LDB2: variants seen among roughly 807,000 people sequenced by gnomAD.
LDB2 encodes the protein LIM domain binding 2.
Under a neutral mutation model 44.3 loss-of-function variants are expected in LDB2, and 12 were observed. That is an observed-to-expected ratio of 0.27 (90% CI 0.17 to 0.44). The LOEUF (loss-of-function observed/expected upper bound fraction) is 0.44. LDB2 is among the 20% of genes least tolerant of loss of function. The pLI is 1.00. For synonymous variants in LDB2, 164 were observed against 174.8 expected (o/e 0.94, Z 0.49); for missense variants, 344 against 473.5 (o/e 0.73, Z 2.54).
chr4:16,527,418 T>TA (rs375128660), intron 5 of LDB2, among the ~76,000 whole-genome samples: 6,006 of 148,206 alleles, frequency 0.041, 394 homozygotes, highest in African/African-American at 0.14. Flanking sequence ...ATCAAAAAAA[T>TA]AAAAAAAAAA....
rs1789391969 is a variant in LDB2, at chr4:16,856,531, T to A, written c.132+41823A>T. On this transcript the variant is annotated intron_variant, in intron 1 of 7. Coordinates refer to ENST00000304523, the MANE Select transcript of LDB2 (RefSeq NM_001290.5). ...ATCTTTGATTTTGCAGGTCAAAGTT[T>A]TAACTACTCAACTCTGCCACTGCAA... Among the ~76,000 whole-genome samples the A allele has an allele frequency of 3.3e-5, 5 of 152,282 alleles. 1 individual carries two copies. In the South Asian group the frequency reaches 1.0e-3, roughly 32 times the overall value.
intron 2 of LDB2, among the ~76,000 whole-genome samples, chr4:16,640,390 G>T (rs1734811946): frequency 6.6e-6 from 1 of 152,118 alleles, no homozygotes; most frequent in African/African-American, 2.4e-5. Context: ...GAAATATGAA[G>T]GACCTTCTAA....
chr4:16,597,612 G>A (rs542342749), intron 2 of LDB2, among the ~76,000 whole-genome samples: 8 of 152,120 alleles, frequency 5.3e-5, no homozygotes, highest in South Asian at 2.1e-4. Context: ...GATTCATACC[G>A]TTGAGAATAA....
chr4:16,814,295 C>G (rs1015645108), intron 1 of LDB2, among the ~76,000 whole-genome samples: 7 of 152,178 alleles, frequency 4.6e-5, no homozygotes, highest in African/African-American at 1.4e-4. Flanking sequence ...CCTGTGGCTA[C>G]TCGTCTGTTC....
chr4:16,709,106 G>A (rs949149905), intron 2 of LDB2, among the ~76,000 whole-genome samples: 16 of 148,166 alleles, frequency 1.1e-4, no homozygotes, highest in Non-Finnish European at 2.2e-4. Flanking sequence ...TTCTATCACC[G>A]AATTCTCATT....
intron 5 of LDB2, among the ~76,000 whole-genome samples, chr4:16,526,950 A>G (rs1350258127): frequency 2.0e-5 from 3 of 152,276 alleles, no homozygotes; most frequent in African/African-American, 7.2e-5. Context: ...TTCTAAGTGA[A>G]GAACTCTGAT....
intron 5 of LDB2, among the ~76,000 whole-genome samples, chr4:16,581,657 C>A (rs1040567741): frequency 6.6e-6 from 1 of 152,130 alleles, no homozygotes; most frequent in Non-Finnish European, 1.5e-5. Flanking sequence ...ACCTACTCAA[C>A]TTTTAGAATC....
chr4:16,686,847 T>C (rs1312361364), intron 2 of LDB2, among the ~76,000 whole-genome samples: 1 of 152,218 alleles, frequency 6.6e-6, no homozygotes, highest in African/African-American at 2.4e-5. Flanking sequence ...TTAATGCATA[T>C]CCTTGCTCTT....
intron 2 of LDB2, among the ~76,000 whole-genome samples, chr4:16,692,441 G>T: frequency 6.6e-6 from 1 of 152,116 alleles, no homozygotes; most frequent in East Asian, 1.9e-4. Context: ...AGCAGCAAAA[G>T]GGTTACTTCC....
intron 2 of LDB2, among the ~76,000 whole-genome samples, chr4:16,650,337 G>GATT (rs753363347): frequency 6.6e-6 from 1 of 152,064 alleles, no homozygotes; most frequent in Non-Finnish European, 1.5e-5. Context: ...GCACGTTTTT[G>GATT]ATTATTATTA....
chr4:16,576,971 A>C (rs542566476), intron 5 of LDB2, among the ~76,000 whole-genome samples: 32 of 152,340 alleles, frequency 2.1e-4, no homozygotes, highest in African/African-American at 7.5e-4. Flanking sequence ...AACAGAATGA[A>C]GGACGAAAGC....
intron 1 of LDB2, among the ~76,000 whole-genome samples, chr4:16,863,912 G>A (rs549703958): frequency 2.6e-5 from 4 of 152,136 alleles, no homozygotes; most frequent in South Asian, 4.2e-4. Flanking sequence ...CGCCCGCCTC[G>A]GCTTCCCGAA....
chr4:16,543,997 G>C (rs1734818679), intron 5 of LDB2, among the ~76,000 whole-genome samples: 1 of 151,990 alleles, frequency 6.6e-6, no homozygotes, highest in Non-Finnish European at 1.5e-5. Flanking sequence ...GTCTATTGCA[G>C]GTACTGTGCT....
At chr4:16,519,387 G>T (rs1335866185) in intron 5 of LDB2, among the ~76,000 whole-genome samples, 1 of 151,428 alleles carries the variant, frequency 6.6e-6, no homozygotes, top group Non-Finnish European at 1.5e-5. Context: ...TATTTGAAGG[G>T]CAGAGAAGAG....
intron 5 of LDB2, among the ~76,000 whole-genome samples, chr4:16,575,338 C>T (rs1162355276): frequency 1.3e-5 from 2 of 152,100 alleles, no homozygotes; most frequent in Non-Finnish European, 2.9e-5. Context: ...GTTTTAAAGT[C>T]ATGTAAAACA....
intron 1 of LDB2, among the ~76,000 whole-genome samples, chr4:16,777,499 G>T (rs929845564): frequency 6.6e-6 from 1 of 152,134 alleles, no homozygotes; most frequent in Admixed American, 6.5e-5. Context: ...CTGGGGAAGC[G>T]CCAGGGCTTG....
At chr4:16,776,612 T>G (rs1771961029) in intron 1 of LDB2, among the ~76,000 whole-genome samples, 1 of 152,184 alleles carries the variant, frequency 6.6e-6, no homozygotes, top group African/African-American at 2.4e-5. Flanking sequence ...CTTCTAGGAT[T>G]TAGTGATGAT....
At chr4:16,675,592 A>C (rs1578689165) in intron 2 of LDB2, among the ~76,000 whole-genome samples, 1 of 151,582 alleles carries the variant, frequency 6.6e-6, no homozygotes, top group Non-Finnish European at 1.5e-5. Flanking sequence ...AAAAAAAAAA[A>C]CCCTTAATTG....
intron 5 of LDB2, among the ~76,000 whole-genome samples, chr4:16,531,936 A>G (rs941469993): frequency 6.6e-6 from 1 of 152,216 alleles, no homozygotes; most frequent in African/African-American, 2.4e-5. Flanking sequence ...GGAGGAAGGT[A>G]GCAGAGGACC....
Sources: gnomAD v4.1 joint callset for allele counts (sites outside exome capture counted in the v4.1 genomes callset) on GRCh38, gnomAD v4.1.1 for gene constraint, MANE v1.5 for transcripts, NCBI Gene and HGNC (gene_info 2026-07-23, HGNC 2026-07-21) for gene names.